DPP10: variants seen among roughly 807,000 people sequenced by gnomAD.
DPP10 encodes dipeptidyl peptidase like 10, also known as inactive dipeptidyl peptidase 10.
DPP10 carries 33 observed loss-of-function variants against 120.9 expected under a neutral mutation model. The observed-to-expected ratio is 0.27, with a 90% CI of 0.21 to 0.37. DPP10 has a LOEUF of 0.37. Among genes scored for constraint, DPP10 ranks in the 10% least tolerant of loss-of-function variants. DPP10 has a pLI of 1.00. For missense variants in DPP10, 816 were observed against 942.8 expected (o/e 0.87, Z 1.76); for synonymous variants, 337 against 326.1 (o/e 1.03, Z -0.36).
At chr2:115,225,775 T>G (rs1440162705) in intron 1 of DPP10, among the ~76,000 whole-genome samples, 1 of 152,130 alleles carries the variant, frequency 6.6e-6, no homozygotes, top group Admixed American at 6.6e-5. Context: ...CAGCATATAT[T>G]GATTTTTGTG....
intron 3 of DPP10, among the ~76,000 whole-genome samples, chr2:115,386,625 A>AT (rs2066955704): frequency 6.6e-6 from 1 of 152,158 alleles, no homozygotes; most frequent in Non-Finnish European, 1.5e-5. Flanking sequence ...TCTCAAGTTG[A>AT]TAAGGGTCTA....
intron 1 of DPP10, among the ~76,000 whole-genome samples, chr2:115,112,351 T>C (rs2049267030): frequency 6.6e-6 from 1 of 152,114 alleles, no homozygotes; most frequent in African/African-American, 2.4e-5. Context: ...TAAAGTAACA[T>C]TAAAAATTTT....
chr2:115,395,941 T>A (rs1282525087), intron 3 of DPP10, among the ~76,000 whole-genome samples: 2 of 152,172 alleles, frequency 1.3e-5, no homozygotes, highest in Non-Finnish European at 2.9e-5. Context: ...TCAATTTGAT[T>A]CAATTTCTGA....
intron 3 of DPP10, among the ~76,000 whole-genome samples, chr2:115,404,848 TAATC>T (rs1029275051): frequency 6.6e-6 from 1 of 152,188 alleles, no homozygotes; most frequent in Non-Finnish European, 1.5e-5. Flanking sequence ...ATTCCTAAAA[TAATC>T]AACCCAATCT....
intron 1 of DPP10, among the ~76,000 whole-genome samples, chr2:115,226,562 A>G (rs1394320267): frequency 6.6e-6 from 1 of 152,210 alleles, no homozygotes; most frequent in Non-Finnish European, 1.5e-5. Flanking sequence ...TTAGCCGTGA[A>G]CAAAATCTTT....
chr2:115,546,523 T>A (rs1483401783), intron 5 of DPP10, among the ~76,000 whole-genome samples: 1 of 152,158 alleles, frequency 6.6e-6, no homozygotes, highest in Admixed American at 6.6e-5. Flanking sequence ...TCAACAATTT[T>A]ATTCCTCATT....
intron 1 of DPP10, among the ~76,000 whole-genome samples, chr2:115,160,880 C>T (rs557347366): frequency 6.6e-6 from 1 of 152,036 alleles, no homozygotes; most frequent in Non-Finnish European, 1.5e-5. Context: ...TGTTTAGTTT[C>T]TCTCCCCTGC....
chr2:115,313,084 A>G (rs1305884030), intron 2 of DPP10, among the ~76,000 whole-genome samples: 1 of 152,072 alleles, frequency 6.6e-6, no homozygotes, highest in Non-Finnish European at 1.5e-5. Context: ...TGAGCCGGGC[A>G]TGGTGGCATG....
intron 1 of DPP10, among the ~76,000 whole-genome samples, chr2:115,202,004 A>G (rs906382078): frequency 2.0e-5 from 3 of 152,072 alleles, no homozygotes; most frequent in Admixed American, 6.6e-5. Flanking sequence ...AGGGTTCTCA[A>G]TTTTGTGTTA....
chr2:115,385,506 C>A (rs1314635867), intron 3 of DPP10, among the ~76,000 whole-genome samples: 1 of 152,090 alleles, frequency 6.6e-6, no homozygotes, highest in Non-Finnish European at 1.5e-5. Context: ...CAGGCGCCCG[C>A]CACCATGCTC....
At chr2:115,346,033 CTT>C (rs1484349011) in intron 3 of DPP10, among the ~76,000 whole-genome samples, 1 of 152,128 alleles carries the variant, frequency 6.6e-6, no homozygotes, top group Admixed American at 6.6e-5. Flanking sequence ...AGAATGCAGT[CTT>C]TATAAATACC....
chr2:114,528,794 A>G (rs1685720642), intron 1 of DPP10, among the ~76,000 whole-genome samples: 1 of 151,972 alleles, frequency 6.6e-6, no homozygotes, highest in Non-Finnish European at 1.5e-5. Context: ...CACCAGGCAG[A>G]ATCTGAGGAG....
chr2:115,214,585 G>A (rs572588408), intron 1 of DPP10, among the ~76,000 whole-genome samples: 6 of 152,228 alleles, frequency 3.9e-5, no homozygotes, highest in African/African-American at 1.4e-4. Context: ...TTTTATATAT[G>A]AAATAATTAC....
intron 1 of DPP10, among the ~76,000 whole-genome samples, chr2:114,847,128 C>T (rs1012946506): frequency 1.3e-5 from 2 of 152,136 alleles, no homozygotes; most frequent in Non-Finnish European, 2.9e-5. Context: ...CCGGCCTCAG[C>T]CAACCTAATA....
chr2:114,560,735 C>T (rs1011363858), intron 1 of DPP10, among the ~76,000 whole-genome samples: 3 of 152,152 alleles, frequency 2.0e-5, no homozygotes, highest in African/African-American at 4.8e-5. Context: ...GAACTCTGCC[C>T]GGGCTCCTGG....
At chr2:115,405,602 C>T (rs80282133) in intron 3 of DPP10, among the ~76,000 whole-genome samples, 12,138 of 152,230 alleles carry the variant, frequency 0.08, 542 homozygotes, top group Middle Eastern at 0.13. Context: ...TCTGCCTGAG[C>T]TCCTAGGCAG....
intron 1 of DPP10, among the ~76,000 whole-genome samples, chr2:114,811,806 G>A (rs1685196938): frequency 6.6e-6 from 1 of 152,192 alleles, no homozygotes; most frequent in African/African-American, 2.4e-5. Flanking sequence ...CATCATCCGT[G>A]TGTTCTCTCT....
intron 1 of DPP10, among the ~76,000 whole-genome samples, chr2:115,304,037 C>T (rs192880757): frequency 5.1e-4 from 77 of 151,992 alleles, no homozygotes; most frequent in Non-Finnish European, 6.8e-4. Flanking sequence ...AGGATATTTT[C>T]GGATTATTCA....
intron 9 of DPP10, among the ~76,000 whole-genome samples, chr2:115,744,639 C>T (rs1677716887): frequency 6.7e-6 from 1 of 150,306 alleles, no homozygotes; most frequent in Non-Finnish European, 1.5e-5. Flanking sequence ...AACTTCTAAC[C>T]TGTGAATGAT....
Sources: gnomAD v4.1 joint callset for allele counts (sites outside exome capture counted in the v4.1 genomes callset) on GRCh38, gnomAD v4.1.1 for gene constraint, MANE v1.5 for transcripts, NCBI Gene and HGNC (gene_info 2026-07-23, HGNC 2026-07-21) for gene names.